ZMYND8: variants seen among roughly 807,000 people sequenced by gnomAD.
ZMYND8 encodes zinc finger MYND-type containing 8, also known as MYND-type zinc finger-containing chromatin reader ZMYND8.
Under a neutral mutation model 140.8 loss-of-function variants are expected in ZMYND8, and 37 were observed. The observed-to-expected ratio is 0.26, with a 90% CI of 0.20 to 0.35. The LOEUF (loss-of-function observed/expected upper bound fraction) is 0.35. ZMYND8 is among the 10% of genes least tolerant of loss of function. The pLI is 1.00. For missense variants in ZMYND8, 1,068 were observed against 1,570.0 expected, an observed-to-expected ratio of 0.68 and a Z score of 5.40; for synonymous variants, 592 against 597.1, an observed-to-expected ratio of 0.99 and a Z score of 0.12.
intron 19 of ZMYND8, among the ~76,000 whole-genome samples, chr20:47,223,299 A>T (rs2037244430): frequency 6.6e-6 from 1 of 152,158 alleles, no homozygotes; most frequent in South Asian, 2.1e-4. Flanking sequence ...TGAGGTCAGG[A>T]GTTCAAGACC....
intron 1 of ZMYND8, chr20:47,356,452 G>A (rs1222869370): frequency 1.3e-6 from 2 of 1,550,510 alleles, no homozygotes; most frequent in East Asian, 2.4e-5. Context: ...GCCCTTGCCA[G>A]TTTGCAAAAT....
chr20:47,218,179 C>A (rs2036402228), intron 21 of ZMYND8, among the ~76,000 whole-genome samples: 1 of 152,220 alleles, frequency 6.6e-6, no homozygotes, highest in African/African-American at 2.4e-5. Context: ...TCCTCCAGCT[C>A]AGAATGGAAT....
intron 10 of ZMYND8, among the ~76,000 whole-genome samples, chr20:47,278,609 G>C (rs1601544762): frequency 1.3e-5 from 2 of 151,974 alleles, no homozygotes; most frequent in Non-Finnish European, 1.5e-5. Context: ...CGGATTGTTT[G>C]CAAGTCTCGG....
intron 12 of ZMYND8, among the ~76,000 whole-genome samples, chr20:47,258,726 C>T (rs1461621724): frequency 6.6e-6 from 1 of 152,164 alleles, no homozygotes. Flanking sequence ...CCACGGCTGA[C>T]AGACAGAATC....
chr20:47,239,564 A>T (rs541001899), intron 14 of ZMYND8, among the ~76,000 whole-genome samples: 1 of 152,350 alleles, frequency 6.6e-6, no homozygotes, highest in African/African-American at 2.4e-5. Context: ...AGACAGGAAG[A>T]GCAATTCTTT....
intron 6 of ZMYND8, among the ~76,000 whole-genome samples, chr20:47,291,531 T>C (rs914631618): frequency 2.0e-5 from 3 of 152,238 alleles, no homozygotes; most frequent in Admixed American, 6.5e-5. Flanking sequence ...TTAGAAGCTA[T>C]GGCTTTTGCA....
chr20:47,291,966 T>G (rs1165962963), intron 5 of ZMYND8, 78 bp from the exon 6 acceptor site: 8 of 1,278,040 alleles, frequency 6.3e-6, no homozygotes, highest in Non-Finnish European at 8.7e-6. Flanking sequence ...ACAAAAGGCT[T>G]GAAAAATTGA....
intron 16 of ZMYND8, 63 bp from the exon 17 acceptor site, chr20:47,229,869 A>C (rs1248072520): frequency 7.0e-7 from 1 of 1,426,556 alleles, no homozygotes; most frequent in Non-Finnish European, 9.8e-7. Flanking sequence ...CTGGTGACAA[A>C]TACTTAAAAT....
At chr20:47,297,746 A>G (rs1035520239) in intron 4 of ZMYND8, among the ~76,000 whole-genome samples, 1 of 152,190 alleles carries the variant, frequency 6.6e-6, no homozygotes, top group Non-Finnish European at 1.5e-5. Context: ...TTTGAATCCA[A>G]GAGACATTCC....
chr20:47,310,848 T>C (rs914306079), intron 2 of ZMYND8, among the ~76,000 whole-genome samples: 3 of 150,358 alleles, frequency 2.0e-5, no homozygotes, highest in East Asian at 3.9e-4. Flanking sequence ...CAGATACAGC[T>C]GAGTAACAGC....
intron 17 of ZMYND8, among the ~76,000 whole-genome samples, chr20:47,227,767 C>T (rs943021097): frequency 1.5e-4 from 23 of 152,154 alleles, no homozygotes. Context: ...AATAAACAAA[C>T]AAACTCGACC....
intron 20 of ZMYND8, 126 bp from the exon 21 acceptor site, chr20:47,220,450 G>T: frequency 2.5e-6 from 2 of 800,508 alleles, no homozygotes; most frequent in Non-Finnish European, 4.1e-6. Context: ...CCTCTGCCTG[G>T]CACGGTCAGG....
chr20:47,232,840 G>A (rs2038692626), intron 16 of ZMYND8, among the ~76,000 whole-genome samples: 1 of 151,476 alleles, frequency 6.6e-6, no homozygotes, highest in African/African-American at 2.4e-5. Flanking sequence ...AGAAGTCTCA[G>A]TTTGGTGCTG....
In ZMYND8 at chr20:47,279,023, G is replaced by T. The variant is rs1280679843; in HGVS notation, c.999-2228C>A. ...GGCCACCAGGAGCTTATCACCAGTTGGTCCTGGTATCATAACCTCGCCCCC... is the reference window on the plus strand; with the variant it reads ...GGCCACCAGGAGCTTATCACCAGTTTGTCCTGGTATCATAACCTCGCCCCC... On this transcript the variant is annotated intron_variant, in intron 10 of 22. Coordinates refer to ENST00000471951, the MANE Select transcript of ZMYND8 (RefSeq NM_001281775.3). Among the ~76,000 whole-genome samples, 5 of 151,672 alleles carry T rather than the reference G, an allele frequency of 3.3e-5. No individual in the cohort carries two copies. The East Asian group carries it at 9.7e-4, about 29-fold the overall frequency.
chr20:47,333,645 G>T (rs374041602), intron 2 of ZMYND8, among the ~76,000 whole-genome samples: 1 of 137,370 alleles, frequency 7.3e-6, no homozygotes, highest in Non-Finnish European at 1.5e-5. Flanking sequence ...AGAATCGCTT[G>T]AACCTGGGAG....
intron 12 of ZMYND8, among the ~76,000 whole-genome samples, chr20:47,252,904 G>A (rs1418711881): frequency 6.6e-6 from 1 of 152,060 alleles, no homozygotes; most frequent in Non-Finnish European, 1.5e-5. Flanking sequence ...GGGCAAAAGA[G>A]CCAGACCTTA....
At chr20:47,319,338 C>T (rs2079714876) in intron 2 of ZMYND8, 1 of 271,430 alleles carries the variant, frequency 3.7e-6, no homozygotes, top group East Asian at 9.8e-5. Context: ...CGAGGAACTG[C>T]AGTTGTTCTG....
intron 14 of ZMYND8, among the ~76,000 whole-genome samples, chr20:47,239,421 AC>A (rs2039668140): frequency 6.6e-6 from 1 of 152,138 alleles, no homozygotes; most frequent in Non-Finnish European, 1.5e-5. Context: ...GGCAAACAAG[AC>A]CCGGCTCCTG....
chr20:47,314,191 A>C (rs1163653101), intron 2 of ZMYND8, among the ~76,000 whole-genome samples: 1 of 151,836 alleles, frequency 6.6e-6, no homozygotes, highest in Non-Finnish European at 1.5e-5. Flanking sequence ...ATGTGACTGG[A>C]TGACGTTACG....
Sources: gnomAD v4.1 joint callset for allele counts (sites outside exome capture counted in the v4.1 genomes callset) on GRCh38, gnomAD v4.1.1 for gene constraint, MANE v1.5 for transcripts, NCBI Gene and HGNC (gene_info 2026-07-23, HGNC 2026-07-21) for gene names.